The following IGSF10 variants were observed in gnomAD, a reference collection of about 807,000 sequenced individuals.
IGSF10 encodes immunoglobulin superfamily member 10.
IGSF10 carries 126 observed loss-of-function variants against 128.2 expected under a neutral mutation model. The observed-to-expected ratio is 0.98, with a 90% CI of 0.85 to 1.14. IGSF10 has a LOEUF of 1.14. IGSF10 is among the 50% of genes most tolerant of loss of function. The pLI is 0.00. For synonymous variants in IGSF10, 1,185 were observed against 1,146.2 expected (o/e 1.03, Z -0.68); for missense variants, 3,295 against 3,149.8 (o/e 1.05, Z -1.10).
At chr3:151,518,106 A>G in the IGSF10 span, among the ~76,000 whole-genome samples, 1 of 151,994 alleles carries the variant, frequency 6.6e-6, no homozygotes, top group Admixed American at 6.6e-5. Flanking sequence ...CTACTTATAT[A>G]TTTTAAGTTC....
At chr3:151,535,947 C>G in the IGSF10 span, among the ~76,000 whole-genome samples, 1 of 152,194 alleles carries the variant, frequency 6.6e-6, no homozygotes, top group African/African-American at 2.4e-5. Context: ...GGAGCTCCAG[C>G]TGCAGCTTCT....
At chr3:151,549,020 TTC>T in the IGSF10 span, among the ~76,000 whole-genome samples, 1 of 152,184 alleles carries the variant, frequency 6.6e-6, no homozygotes, top group Non-Finnish European at 1.5e-5. Context: ...TTGTTCACTT[TTC>T]TTTCTTTTTT....
the IGSF10 span, among the ~76,000 whole-genome samples, chr3:151,489,209 C>G: frequency 1.3e-5 from 2 of 151,952 alleles, no homozygotes; most frequent in Non-Finnish European, 2.9e-5. Flanking sequence ...ATGCAGCCAA[C>G]AAATATATGA....
chr3:151,446,720 G>A lies in IGSF10; in HGVS notation c.3261C>T (p.Ile1087=). 1 of 1,614,166 alleles carries A rather than the reference G, an allele frequency of 6.2e-7. No homozygotes were observed. Residue 1087 remains isoleucine, a synonymous_variant, in exon 6 of 8, where the codon ATC becomes ATT. Transcript: ENST00000282466. ...AALSFPSAAP[I]TFPKADIARV... is the part of the protein sequence containing the mutation. ...TAGCAATGTCAGCTTTGGGGAAGGT[G>A]ATGGGAGCAGCACTTGGAAAAGACA...
At chr3:151,522,065 GAACACC>G in the IGSF10 span, among the ~76,000 whole-genome samples, 1 of 151,940 alleles carries the variant, frequency 6.6e-6, no homozygotes, top group African/African-American at 2.4e-5. Flanking sequence ...AAACTTCTAT[GAACACC>G]TTTATGAACA....
the IGSF10 span, among the ~76,000 whole-genome samples, chr3:151,508,615 T>TA: frequency 6.6e-6 from 1 of 152,168 alleles, no homozygotes; most frequent in Non-Finnish European, 1.5e-5. Flanking sequence ...TCTGTGATCC[T>TA]ATGTTGGTCA....
the IGSF10 span, among the ~76,000 whole-genome samples, chr3:151,566,706 G>A: frequency 3.9e-5 from 6 of 152,320 alleles, no homozygotes; most frequent in East Asian, 1.9e-4. Context: ...GCTATGTGCC[G>A]GAGGGCAGAG....
the IGSF10 span, among the ~76,000 whole-genome samples, chr3:151,595,781 A>G: frequency 0.27 from 39,858 of 150,170 alleles, 5,758 homozygotes; most frequent in South Asian, 0.53. Context: ...GGTGGTTACT[A>G]GGGGAAGGAG....
rs369682230 is a variant in IGSF10, at chr3:151,443,076, G to A, written c.5871C>T (p.Asp1957=). 2.0e-5 allele frequency: 32 copies of A among 1,614,026 alleles called. No individual in the cohort carries two copies. The highest frequency in any genetic ancestry group is 2.6e-5 in the Non-Finnish European group (31 of 1,180,026). ...SQKRTEVNFG[D]KLLLNCSATG... ...TGGCTGAGCAGTTCAGTAGTAATTT[G>A]TCCCCAAAATTCACTTCAGTCCTTT... Residue 1957 remains aspartate, a synonymous_variant, in exon 7 of 8, where the codon GAC becomes GAT. Transcript: ENST00000282466.
At chr3:151,609,654 C>T in the IGSF10 span, among the ~76,000 whole-genome samples, 37 of 152,160 alleles carry the variant, frequency 2.4e-4, no homozygotes, top group East Asian at 4.1e-3. Flanking sequence ...AAATACTGTG[C>T]GGCAATAAAG....
the IGSF10 span, among the ~76,000 whole-genome samples, chr3:151,543,704 C>T: frequency 2.0e-5 from 3 of 152,184 alleles, no homozygotes; most frequent in Non-Finnish European, 4.4e-5. Context: ...CAAGTATGAA[C>T]TTACACAAAT....
chr3:151,478,124 T>C, the IGSF10 span, among the ~76,000 whole-genome samples: 6 of 152,136 alleles, frequency 3.9e-5, no homozygotes, highest in African/African-American at 1.2e-4. Flanking sequence ...CCTTAAACCT[T>C]AAAACCTTAA....
chr3:151,471,648 G>A, the IGSF10 span, among the ~76,000 whole-genome samples: 1 of 152,190 alleles, frequency 6.6e-6, no homozygotes. Flanking sequence ...AACTATGAGG[G>A]TTTTTCACAT....
chr3:151,495,410 G>T, the IGSF10 span, among the ~76,000 whole-genome samples: 3 of 152,042 alleles, frequency 2.0e-5, no homozygotes, highest in Non-Finnish European at 4.4e-5. Context: ...CTGTGATTAT[G>T]ATCTACCACG....
the IGSF10 span, among the ~76,000 whole-genome samples, chr3:151,490,068 A>AAC: frequency 2.0e-5 from 3 of 152,318 alleles, no homozygotes; most frequent in African/African-American, 7.2e-5. Flanking sequence ...CTTTAATTTA[A>AAC]ACATTAAATT....
chr3:151,513,036 C>G, the IGSF10 span, among the ~76,000 whole-genome samples: 3 of 152,130 alleles, frequency 2.0e-5, no homozygotes, highest in East Asian at 5.8e-4. Flanking sequence ...ACCAGAGGTA[C>G]AAGGAGGAAC....
chr3:151,432,560 A>T, downstream of IGSF10: 1 of 483,196 alleles, frequency 2.1e-6, no homozygotes, highest in Admixed American at 3.8e-5. Context: ...TGGACTGTGA[A>T]TAAAGGTGTC....
downstream of IGSF10, chr3:151,434,890 A>AT (rs1329361504): frequency 6.6e-6 from 1 of 152,182 alleles, no homozygotes; most frequent in Admixed American, 6.5e-5. Context: ...GCTGTGGGGC[A>AT]TATCTTTTTT....
chr3:151,545,553 C>T, the IGSF10 span, among the ~76,000 whole-genome samples: 4 of 152,186 alleles, frequency 2.6e-5, no homozygotes, highest in Non-Finnish European at 5.9e-5. Flanking sequence ...ACCATCAAGT[C>T]CTGAAGTTCT....
Sources: allele counts gnomAD v4.1 joint callset (sites outside exome capture counted in the v4.1 genomes callset), GRCh38; gene constraint gnomAD v4.1.1; transcripts MANE v1.5; gene names NCBI Gene and HGNC (gene_info 2026-07-23, HGNC 2026-07-21).